Variants in KCTD16 observed in about 807,000 individuals in gnomAD.
The protein encoded by KCTD16 is potassium channel tetramerization domain containing 16.
A neutral mutation model predicts 33.2 loss-of-function variants in KCTD16; 13 were observed. The observed-to-expected ratio is 0.39, with a 90% CI of 0.25 to 0.62. The LOEUF (loss-of-function observed/expected upper bound fraction) is 0.62. Among genes scored for constraint, KCTD16 ranks in the 20% least tolerant of loss-of-function variants. The pLI is 0.50. For synonymous variants in KCTD16, 197 were observed against 195.3 expected, an observed-to-expected ratio of 1.01 and a Z score of -0.07; for missense variants, 441 against 525.1, an observed-to-expected ratio of 0.84 and a Z score of 1.57.
chr5:144,293,586 C>A (rs1755954900), intron 3 of KCTD16, among the ~76,000 whole-genome samples: 1 of 152,168 alleles, frequency 6.6e-6, no homozygotes, highest in Admixed American at 6.5e-5. Context: ...CTTAATCCAT[C>A]TATAGAGACC....
At chr5:144,355,597 C>T (rs1751552669) in intron 3 of KCTD16, among the ~76,000 whole-genome samples, 1 of 152,138 alleles carries the variant, frequency 6.6e-6, no homozygotes, top group Admixed American at 6.5e-5. Flanking sequence ...GGAGAAAATC[C>T]AATATCCACT....
chr5:144,484,891 T>C lies in KCTD16; in HGVS notation c.*10777T>C, dbSNP rs942546624. The C allele has an allele frequency of 6.6e-6, 1 of 151,966 alleles. No homozygotes were observed. The highest frequency in any genetic ancestry group is 2.4e-5 in the African/African-American group (1 of 41,416). 9.4% of individuals were successfully genotyped at this position (151,966 alleles called of 1,614,324 possible). ...TACAGGTTATTTTTGTGCGTAATTGTGATAGCAGATTTAGCTCAAACTTTA... is the reference window on the plus strand; with the variant it reads ...TACAGGTTATTTTTGTGCGTAATTGCGATAGCAGATTTAGCTCAAACTTTA... On this transcript the variant is annotated 3_prime_UTR_variant, in exon 4 of 4. Coordinates refer to ENST00000512467, the MANE Select transcript of KCTD16 (RefSeq NM_020768.4).
chr5:144,320,291 A>T (rs1752038471), intron 3 of KCTD16, among the ~76,000 whole-genome samples: 1 of 152,206 alleles, frequency 6.6e-6, no homozygotes, highest in Non-Finnish European at 1.5e-5. Flanking sequence ...TATTTGGAAG[A>T]AGAATGTATT....
At chr5:144,269,017 T>G (rs1285216040) in intron 3 of KCTD16, among the ~76,000 whole-genome samples, 2 of 152,024 alleles carry the variant, frequency 1.3e-5, no homozygotes, top group African/African-American at 4.8e-5. Context: ...ATCTTGAAGA[T>G]AGGACAATGG....
chr5:144,260,217 T>C (rs1754968443), intron 3 of KCTD16, among the ~76,000 whole-genome samples: 1 of 152,200 alleles, frequency 6.6e-6, no homozygotes, highest in South Asian at 2.1e-4. Flanking sequence ...TGGCTCCATA[T>C]GCAGTATTCA....
Position 144,256,222 on chromosome 5 carries a change from G to A in KCTD16, c.832+48676G>A, listed in dbSNP as rs756959504. On this transcript the variant is annotated intron_variant, in intron 3 of 3. Coordinates refer to ENST00000512467, the MANE Select transcript of KCTD16 (RefSeq NM_020768.4). The stretch of plus-strand genomic sequence containing the variant: ...TGTGGGAATAGATGCAGCATCATTT[G>A]GACAAAACAAAAAAGGTGCAACGAT... Among the ~76,000 whole-genome samples, 15 of 152,112 alleles carry A rather than the reference G, an allele frequency of 9.9e-5. No homozygotes were observed. The Middle Eastern group carries it at 0.01, about 103-fold the overall frequency.
chr5:144,259,257 CA>C (rs1166248798), intron 3 of KCTD16, among the ~76,000 whole-genome samples: 21,324 of 47,982 alleles, frequency 0.44, 2,797 homozygotes, highest in Non-Finnish European at 0.52. Flanking sequence ...GACTCCATCT[CA>C]AAAAAAAAAA....
intron 3 of KCTD16, among the ~76,000 whole-genome samples, chr5:144,321,454 T>C (rs1217513478): frequency 2.6e-5 from 4 of 152,150 alleles, no homozygotes; most frequent in African/African-American, 9.7e-5. Flanking sequence ...TCGTAGTACA[T>C]AGAAATTGAG....
chr5:144,235,897 A>T (rs1403752812), intron 3 of KCTD16, among the ~76,000 whole-genome samples: 1 of 152,100 alleles, frequency 6.6e-6, no homozygotes, highest in African/African-American at 2.4e-5. Context: ...TTTCTTCTCT[A>T]TTCTCTCAAA....
intron 3 of KCTD16, among the ~76,000 whole-genome samples, chr5:144,352,374 T>C (rs1405124441): frequency 6.6e-6 from 1 of 152,114 alleles, no homozygotes; most frequent in Non-Finnish European, 1.5e-5. Flanking sequence ...GAAGTGGGGA[T>C]GTACTGGCAG....
intron 3 of KCTD16, among the ~76,000 whole-genome samples, chr5:144,392,442 G>A (rs1752471682): frequency 6.6e-6 from 1 of 152,174 alleles, no homozygotes; most frequent in South Asian, 2.1e-4. Context: ...ATGGAAGCAT[G>A]AGACCACTAT....
chr5:144,289,026 A>G (rs911381805), intron 3 of KCTD16, among the ~76,000 whole-genome samples: 1 of 151,682 alleles, frequency 6.6e-6, no homozygotes, highest in African/African-American at 2.4e-5. Context: ...AAACAAAAAC[A>G]AACAAACAAA....
chr5:144,220,936 G>A (rs377214308), intron 3 of KCTD16, among the ~76,000 whole-genome samples: 24 of 144,122 alleles, frequency 1.7e-4, no homozygotes, highest in African/African-American at 6.1e-4. Context: ...GCGAGACTAC[G>A]TCTCAAAAAA....
Position 144,473,682 on chromosome 5 carries a change from C to G in KCTD16, c.855C>G (p.Pro285=). ...CAGGTGAGCCTTCCAGATGGTCACC[C>G]TCACACTGCGATTGCTGCTGCAAGA... is the stretch of plus-strand genomic sequence containing the variant. The part of the protein sequence containing the change: ...VFYREPSRWS[P]SHCDCCCKNG... Residue 285 remains proline (P), a synonymous_variant, in exon 4 of 4, where the codon CCC becomes CCG. Coordinates refer to ENST00000512467, the MANE Select transcript of KCTD16 (RefSeq NM_020768.4). The G allele has an allele frequency of 1.2e-6, 2 of 1,605,816 alleles. No homozygotes were observed. Among genetic ancestry groups the G allele is most frequent in the Middle Eastern group, 1.7e-4 (1 of 6,044 alleles).
intron 2 of KCTD16, among the ~76,000 whole-genome samples, chr5:144,179,417 A>G (rs1239348841): frequency 6.6e-6 from 1 of 152,130 alleles, no homozygotes; most frequent in Non-Finnish European, 1.5e-5. Context: ...GGCCCTGCTT[A>G]TTCACTCTGC....
chr5:144,435,081 TA>T (rs1189548894), intron 3 of KCTD16, among the ~76,000 whole-genome samples: 3 of 152,120 alleles, frequency 2.0e-5, no homozygotes, highest in Admixed American at 1.3e-4. Flanking sequence ...ATTGGTTTCT[TA>T]AAAAAGTTTT....
chr5:144,445,826 T>C (rs1326744632), intron 3 of KCTD16, among the ~76,000 whole-genome samples: 3 of 151,922 alleles, frequency 2.0e-5, no homozygotes, highest in Non-Finnish European at 2.9e-5. Context: ...TGGCCCCATC[T>C]TAGAAAAGAG....
chr5:144,444,213 C>A (rs1216797630), intron 3 of KCTD16, among the ~76,000 whole-genome samples: 1 of 151,374 alleles, frequency 6.6e-6, no homozygotes, highest in African/African-American at 2.4e-5. Context: ...CTCCCCCCTC[C>A]ACACACAAAG....
chr5:144,307,256 T>C (rs1236476426), intron 3 of KCTD16, among the ~76,000 whole-genome samples: 1 of 152,166 alleles, frequency 6.6e-6, no homozygotes, highest in Non-Finnish European at 1.5e-5. Flanking sequence ...AACTTGCAAA[T>C]TGGAGTAATT....
Sources: allele counts gnomAD v4.1 joint callset (sites outside exome capture counted in the v4.1 genomes callset), GRCh38; gene constraint gnomAD v4.1.1; transcripts MANE v1.5; gene names NCBI Gene and HGNC (gene_info 2026-07-23, HGNC 2026-07-21).